Variants in ARSJ observed in about 807,000 individuals in gnomAD.
ARSJ encodes the protein arylsulfatase J.
In ARSJ, 26 loss-of-function variants were observed where a neutral mutation model predicts 35.9. The ratio of observed to expected loss-of-function variants is 0.72; its 90% CI spans 0.53 to 1.00. The LOEUF (loss-of-function observed/expected upper bound fraction) is 1.00. ARSJ is among the 50% of genes least tolerant of loss of function. The pLI, the probability that ARSJ is intolerant of heterozygous loss-of-function variation, is 0.00. For missense variants in ARSJ, 667 were observed against 723.6 expected (o/e 0.92, Z 0.90); for synonymous variants, 294 against 267.6 (o/e 1.10, Z -0.96).
In ARSJ at chr4:113,902,510, T is replaced by TC. The variant is rs2099667425; in HGVS notation, c.1563dup (p.Arg522GlufsTer22). On this transcript the variant is annotated frameshift_variant, in exon 2 of 2. Coordinates refer to ENST00000315366, the MANE Select transcript of ARSJ (RefSeq NM_024590.4). LOFTEE classifies it low-confidence loss of function (END_TRUNC). ...GCAGTTTTGTTGAACTGTGAGAGCC[T>TC]CCGTAGGAGCTTCTTCACGATTCCT... 1 of 1,614,050 alleles carries TC rather than the reference T, an allele frequency of 6.2e-7. No individual in the cohort carries two copies. The highest frequency in any genetic ancestry group is 1.7e-5 in the Admixed American group (1 of 60,010).
chr4:113,933,031 C>A (rs1724551117), intron 1 of ARSJ, among the ~76,000 whole-genome samples: 2 of 151,818 alleles, frequency 1.3e-5, no homozygotes, highest in African/African-American at 4.8e-5. Context: ...GGAGACATAA[C>A]AACTGAGACC....
intron 1 of ARSJ, among the ~76,000 whole-genome samples, chr4:113,940,643 C>CT (rs1725093750): frequency 8.2e-6 from 1 of 121,256 alleles, no homozygotes; most frequent in African/African-American, 2.8e-5. Flanking sequence ...TACCCTGGAA[C>CT]TTAAAAAAAA....
Position 113,948,489 on chromosome 4 carries a change from G to A in ARSJ, c.398+29948C>T, listed in dbSNP as rs1725643969. On this transcript the variant is annotated intron_variant, in intron 1 of 1. Transcript: ENST00000315366. Reference sequence around the variant, plus strand: ...GGTATATTAAGTGTCATATTTTACAGTATCTAGGCAGCTTTATTTATTTTA... The same window carrying A: ...GGTATATTAAGTGTCATATTTTACAATATCTAGGCAGCTTTATTTATTTTA... Among the ~76,000 whole-genome samples, 3 of 152,054 alleles carry A rather than the reference G, an allele frequency of 2.0e-5. No homozygotes were observed. The South Asian group carries it at 6.2e-4, about 32-fold the overall frequency.
At chr4:113,969,164 A>T (rs890859589) in intron 1 of ARSJ, among the ~76,000 whole-genome samples, 3 of 152,138 alleles carry the variant, frequency 2.0e-5, no homozygotes, top group Non-Finnish European at 4.4e-5. Flanking sequence ...ATTTCCTCTC[A>T]CTTGTCACAG....
intron 1 of ARSJ, among the ~76,000 whole-genome samples, chr4:113,962,644 C>G (rs1438611844): frequency 6.6e-6 from 1 of 151,986 alleles, no homozygotes; most frequent in Non-Finnish European, 1.5e-5. Flanking sequence ...TCCCTCTGTC[C>G]CATGATCTCT....
At chr4:113,916,658 A>G (rs1040074734) in intron 1 of ARSJ, among the ~76,000 whole-genome samples, 1 of 152,108 alleles carries the variant, frequency 6.6e-6, no homozygotes, top group Non-Finnish European at 1.5e-5. Context: ...GGGTCTCATG[A>G]AATACTATCT....
chr4:113,948,492 T>C (rs1222463248), intron 1 of ARSJ, among the ~76,000 whole-genome samples: 1 of 152,260 alleles, frequency 6.6e-6, no homozygotes, highest in Non-Finnish European at 1.5e-5. Context: ...TTTTACAGTA[T>C]CTAGGCAGCT....
intron 1 of ARSJ, among the ~76,000 whole-genome samples, chr4:113,942,635 T>C (rs1725228362): frequency 6.6e-6 from 1 of 152,082 alleles, no homozygotes; most frequent in Non-Finnish European, 1.5e-5. Flanking sequence ...TGGAATGTTC[T>C]TCAATTTCAG....
chr4:113,929,659 A>G (rs750271300), intron 1 of ARSJ, among the ~76,000 whole-genome samples: 6 of 152,144 alleles, frequency 3.9e-5, no homozygotes, highest in Non-Finnish European at 5.9e-5. Flanking sequence ...AGCCACTCAC[A>G]TGATAAGAGC....
At chr4:113,967,648 T>C (rs1454410603) in intron 1 of ARSJ, among the ~76,000 whole-genome samples, 1 of 152,180 alleles carries the variant, frequency 6.6e-6, no homozygotes, top group Admixed American at 6.6e-5. Context: ...CTGCTTTCTC[T>C]GAATATGATA....
At chr4:113,955,288 A>T (rs1726107189) in intron 1 of ARSJ, among the ~76,000 whole-genome samples, 2 of 151,578 alleles carry the variant, frequency 1.3e-5, no homozygotes, top group Admixed American at 1.3e-4. Flanking sequence ...CCTTCTCCTC[A>T]CCCCAAATTC....
intron 1 of ARSJ, among the ~76,000 whole-genome samples, chr4:113,939,981 T>A (rs1240493637): frequency 6.6e-6 from 1 of 152,074 alleles, no homozygotes; most frequent in African/African-American, 2.4e-5. Context: ...TATTAAAACG[T>A]CAGGAAACAA....
chr4:113,924,076 A>AATATATAT (rs1164333093), intron 1 of ARSJ, among the ~76,000 whole-genome samples: 36 of 95,646 alleles, frequency 3.8e-4, no homozygotes, highest in African/African-American at 1.1e-3. Flanking sequence ...AATATATATA[A>AATATATAT]ATATATATAT....
intron 1 of ARSJ, among the ~76,000 whole-genome samples, chr4:113,913,474 C>CA (rs1204365287): frequency 6.6e-6 from 1 of 151,742 alleles, no homozygotes; most frequent in Non-Finnish European, 1.5e-5. Context: ...ACCCATACTT[C>CA]AAAAAAATAA....
chr4:113,915,408 A>G (rs539538717), intron 1 of ARSJ, among the ~76,000 whole-genome samples: 2 of 152,190 alleles, frequency 1.3e-5, no homozygotes, highest in East Asian at 3.9e-4. Context: ...ATTTAAAGCT[A>G]CTCTCATTTA....
At chr4:113,975,853 T>C (rs2110340664) in intron 1 of ARSJ, among the ~76,000 whole-genome samples, 1 of 152,310 alleles carries the variant, frequency 6.6e-6, no homozygotes, top group Non-Finnish European at 1.5e-5. Context: ...ACTATTGATT[T>C]CTAGACTCAA....
intron 1 of ARSJ, chr4:113,944,391 G>A (rs1214746825): frequency 1.3e-5 from 2 of 152,012 alleles, no homozygotes; most frequent in Admixed American, 1.3e-4. Context: ...ATAGTTCCCT[G>A]TCAGGTAGGC....
chr4:113,941,943 G>T (rs763953835), intron 1 of ARSJ, among the ~76,000 whole-genome samples: 2 of 151,918 alleles, frequency 1.3e-5, no homozygotes, highest in Non-Finnish European at 2.9e-5. Context: ...GAAAGCAGAG[G>T]TTCAGGGGTA....
At chr4:113,972,545 T>C (rs1727340018) in intron 1 of ARSJ, among the ~76,000 whole-genome samples, 1 of 152,154 alleles carries the variant, frequency 6.6e-6, no homozygotes, top group Non-Finnish European at 1.5e-5. Flanking sequence ...GGTCTTGCTC[T>C]GTTACCCAGG....
Sources: allele counts gnomAD v4.1 joint callset (sites outside exome capture counted in the v4.1 genomes callset), GRCh38; gene constraint gnomAD v4.1.1; transcripts MANE v1.5; gene names NCBI Gene and HGNC (gene_info 2026-07-23, HGNC 2026-07-21).